Variants in ANO2 observed in about 807,000 individuals in gnomAD.
The protein encoded by ANO2 is anoctamin 2, also known as anoctamin-2.
Under a neutral mutation model 124.2 loss-of-function variants are expected in ANO2, and 101 were observed. The ratio of observed to expected loss-of-function variants is 0.81; its 90% confidence interval spans 0.69 to 0.96. The LOEUF is 0.96. Among genes scored for constraint, ANO2 ranks in the 40% least tolerant of loss-of-function variants. The pLI is 0.00. For synonymous variants in ANO2, 486 were observed against 482.5 expected, an observed-to-expected ratio of 1.01 and a Z score of -0.09; for missense variants, 1,293 against 1,274.5, an observed-to-expected ratio of 1.01 and a Z score of -0.22.
Position 5,903,678 on chromosome 12 carries a change from G to GTGTGTGTGT in ANO2, c.534+17361_534+17362insACACACACA, listed in dbSNP as rs1565765485. On this transcript the variant is annotated intron_variant, in intron 3 of 24. Coordinates refer to ENST00000682330, the MANE Select transcript of ANO2 (RefSeq NM_001364791.2). ...GTGTGTGTGTGTGTGTGTGTGTGTG[G>GTGTGTGTGT]GTGTAGACAGCAAGGTCTGTGCAGA... Among the ~76,000 whole-genome samples, 373 of 108,650 alleles carry GTGTGTGTGT rather than the reference G, an allele frequency of 3.4e-3. 2 individuals are homozygous for GTGTGTGTGT. Among genetic ancestry groups the GTGTGTGTGT allele is most frequent in the African/African-American group, 0.013 (363 of 27,288 alleles). 71.3% of individuals were successfully genotyped at this position (108,650 alleles called of 152,430 possible). A position where few individuals can be genotyped will look rare whatever the true frequency, so the allele number is the denominator to read the frequency against.
At chr12:5,596,302 A>C (rs1221330025) in intron 20 of ANO2, among the ~76,000 whole-genome samples, 1 of 152,218 alleles carries the variant, frequency 6.6e-6, no homozygotes, top group African/African-American at 2.4e-5. Flanking sequence ...ATTCATTTTG[A>C]ATGTTATGTG....
intron 1 of ANO2, among the ~76,000 whole-genome samples, chr12:5,933,437 G>A (rs915151690): frequency 6.6e-6 from 1 of 152,172 alleles, no homozygotes; most frequent in East Asian, 1.9e-4. Context: ...GATTACATTA[G>A]AAAGATGGCC....
At chr12:5,653,643 C>G (rs560479432) in intron 14 of ANO2, among the ~76,000 whole-genome samples, 1 of 152,070 alleles carries the variant, frequency 6.6e-6, no homozygotes, top group South Asian at 2.1e-4. Context: ...AAATATGTAC[C>G]AAGCATCATG....
At chr12:5,936,799 T>C (rs747195052) in intron 1 of ANO2, among the ~76,000 whole-genome samples, 1 of 152,238 alleles carries the variant, frequency 6.6e-6, no homozygotes, top group Non-Finnish European at 1.5e-5. Flanking sequence ...TTTGAGTTAA[T>C]TTTTATGTAT....
chr12:5,685,498 C>G (rs1263261971), intron 14 of ANO2, among the ~76,000 whole-genome samples: 1 of 152,184 alleles, frequency 6.6e-6, no homozygotes, highest in Non-Finnish European at 1.5e-5. Flanking sequence ...ACAGGAAGAG[C>G]CTGGGGCTGG....
At chr12:5,922,543 C>T in intron 2 of ANO2, 77 bp downstream of exon 2, 1 of 1,427,280 alleles carries the variant, frequency 7.0e-7, no homozygotes, top group African/African-American at 1.4e-5. Flanking sequence ...ACTGGAGGAT[C>T]CCCCAGACCA....
Position 5,769,202 on chromosome 12 carries a change from C to T in ANO2, c.1056-18232G>A, listed in dbSNP as rs1241014163. On this transcript the variant is annotated intron_variant, in intron 10 of 24. Coordinates refer to ENST00000682330, the MANE Select transcript of ANO2 (RefSeq NM_001364791.2). This position sits in a 1 kb window ranked among gnomAD's most constrained non-coding sequence, Gnocchi z 4.0. ...AAGAGGTTCCCTCTCTCCAACCAAT[C>T]CTCTCTTTAAGAAGGTTTCCAAATA... Among the ~76,000 whole-genome samples, 1 of 152,160 alleles carries T rather than the reference C, an allele frequency of 6.6e-6. No homozygotes were observed. Among genetic ancestry groups the T allele is most frequent in the Non-Finnish European group, 1.5e-5 (1 of 68,030 alleles).
chr12:5,806,011 C>T (rs1214417836), intron 9 of ANO2, 41 bp downstream of exon 9: 5 of 1,604,306 alleles, frequency 3.1e-6, no homozygotes, highest in African/African-American at 2.7e-5. Flanking sequence ...CCCGTAGTCT[C>T]GCATGCCCAA....
At chr12:5,677,768 G>A (rs187831676) in intron 14 of ANO2, among the ~76,000 whole-genome samples, 1 of 152,334 alleles carries the variant, frequency 6.6e-6, no homozygotes, top group Admixed American at 6.5e-5. Flanking sequence ...TCCTGGGAAA[G>A]AGAAAAGAAG....
At chr12:5,714,582 T>C (rs1006481553) in intron 14 of ANO2, among the ~76,000 whole-genome samples, 13 of 152,176 alleles carry the variant, frequency 8.5e-5, no homozygotes, top group African/African-American at 3.1e-4. Flanking sequence ...TGGTCCATAG[T>C]TATTGCTATT....
chr12:5,612,954 C>A lies in ANO2; in HGVS notation c.1933G>T (p.Val645Leu). Reference sequence around the variant, plus strand: ...TAGACGTAGCTTCCAGGCCTGCCCACAAACCTGAAATCAAACAGTGTGGGA... The same window carrying A: ...TAGACGTAGCTTCCAGGCCTGCCCAAAAACCTGAAATCAAACAGTGTGGGA... ...FYVAFFKGRF[V>L]GRPGSYVYVF... Residue 645 changes from valine (V) to leucine (L), a missense_variant, in exon 18 of 25, where the codon GTG becomes TTG. Transcript: ENST00000682330. 1.4e-5 allele frequency: 22 copies of A among 1,613,904 alleles called. No homozygotes were observed. Among genetic ancestry groups the A allele is most frequent in the Non-Finnish European group, 1.9e-5 (22 of 1,179,840 alleles).
At chr12:5,728,519 A>G (rs1950524769) in intron 14 of ANO2, among the ~76,000 whole-genome samples, 1 of 152,240 alleles carries the variant, frequency 6.6e-6, no homozygotes, top group Non-Finnish European at 1.5e-5. Context: ...ATAGAAAGAT[A>G]TACCACATTC....
Position 5,922,696 on chromosome 12 carries a change from CG to C in ANO2, c.130del (p.Arg44GlyfsTer123). ...GQQCLKMPGPRAPGLQGGSNR... is the reference protein window; with the variant it reads ...GQQCLKMPGPXAPGLQGGSNR... ...GGAACCGCCCTGCAGACCTGGGGCCCGGGGACCTGGCATCTTGAGACACTGC... is the reference window on the plus strand; with the variant it reads ...GGAACCGCCCTGCAGACCTGGGGCCCGGGACCTGGCATCTTGAGACACTGC... On this transcript the variant is annotated frameshift_variant, in exon 2 of 25. Transcript: ENST00000682330. LOFTEE classifies it high-confidence loss of function. 6.3e-7 allele frequency: 1 copy of C among 1,587,484 alleles called. No homozygotes were observed. Among genetic ancestry groups the C allele is most frequent in the African/African-American group, 1.3e-5 (1 of 74,608 alleles).
intron 14 of ANO2, among the ~76,000 whole-genome samples, chr12:5,731,972 C>T (rs1056210097): frequency 7.2e-5 from 11 of 152,174 alleles, no homozygotes; most frequent in African/African-American, 2.4e-4. Context: ...CGGTTAGAGG[C>T]ACAGACTAAT....
intron 14 of ANO2, among the ~76,000 whole-genome samples, chr12:5,672,987 G>A (rs1948084091): frequency 6.6e-6 from 1 of 152,098 alleles, no homozygotes; most frequent in Non-Finnish European, 1.5e-5. Context: ...TATCCATGGG[G>A]AGGAATCTTC....
chr12:5,582,927 C>A (rs1050198643), intron 20 of ANO2, among the ~76,000 whole-genome samples: 4 of 152,154 alleles, frequency 2.6e-5, no homozygotes, highest in Non-Finnish European at 5.9e-5. Flanking sequence ...GCAGGTGGAA[C>A]TCGGTGCCTT....
chr12:5,869,573 C>G (rs562830520), intron 3 of ANO2, among the ~76,000 whole-genome samples: 3 of 152,328 alleles, frequency 2.0e-5, no homozygotes, highest in African/African-American at 7.2e-5. Context: ...ATCTCTAGGC[C>G]TCGGCCCTAT....
At chr12:5,873,025 G>T (rs1221937204) in intron 3 of ANO2, among the ~76,000 whole-genome samples, 1 of 152,118 alleles carries the variant, frequency 6.6e-6, no homozygotes, top group Non-Finnish European at 1.5e-5. Context: ...GGCTCTCTTT[G>T]TTTCAACATT....
At chr12:5,839,693 T>A in intron 4 of ANO2, 2 of 452,978 alleles carry the variant, frequency 4.4e-6, no homozygotes. Context: ...GTATGGAATG[T>A]TTTGCAGTGT....
Sources: gnomAD v4.1 joint callset for allele counts (sites outside exome capture counted in the v4.1 genomes callset) on GRCh38, gnomAD v4.1.1 for gene constraint, Gnocchi (gnomAD v3.1) non-coding constraint, MANE v1.5 for transcripts, NCBI Gene and HGNC (gene_info 2026-07-23, HGNC 2026-07-21) for gene names.